CEP192: variants seen among roughly 807,000 people sequenced by gnomAD.
The protein encoded by CEP192 is centrosomal protein 192.
CEP192 carries 151 observed loss-of-function variants against 271.8 expected under a neutral mutation model. The ratio of observed to expected loss-of-function variants is 0.56; its 90% CI spans 0.49 to 0.64. CEP192 has a LOEUF of 0.64. CEP192 is among the 30% of genes least tolerant of loss of function. The pLI, the probability that CEP192 is intolerant of heterozygous loss-of-function variation, is 0.00. For synonymous variants in CEP192, 995 were observed against 1,076.5 expected, an observed-to-expected ratio of 0.92 and a Z score of 1.48; for missense variants, 2,910 against 3,020.5, an observed-to-expected ratio of 0.96 and a Z score of 0.86.
At chr18:13,085,767 A>G (rs2038868455) in intron 30 of CEP192, among the ~76,000 whole-genome samples, 1 of 152,156 alleles carries the variant, frequency 6.6e-6, no homozygotes, top group African/African-American at 2.4e-5. Context: ...CTGTTTTGGT[A>G]TCAGGACCAT....
rs200272635 is a variant in CEP192 at position 13,059,101 on chromosome 18, G to A, written c.4277G>A (p.Arg1426His). ...NGEKVDLSTY[R>H]CLVFKNKAII... ...TTGAAGGTGGATCTTTCAACATATC[G>A]TTGTTTAGTTTTCAAGAATAAAGCC... The change falls in exon 21 of 45, where the codon CGT becomes CAT. Residue 1426 changes from arginine to histidine, a missense_variant. Transcript: ENST00000506447. The A allele has an allele frequency of 2.7e-4, 434 of 1,613,234 alleles. No homozygotes were observed. Among genetic ancestry groups the A allele is most frequent in the Non-Finnish European group, 2.6e-4 (302 of 1,179,236 alleles).
chr18:13,033,316 G>A (rs1215890094), intron 11 of CEP192, among the ~76,000 whole-genome samples: 3 of 152,064 alleles, frequency 2.0e-5, no homozygotes, highest in African/African-American at 7.3e-5. Flanking sequence ...ATCGTTAAAT[G>A]TACAACAAAA....
chr18:13,068,360 A>T lies in CEP192; in HGVS notation c.4760A>T (p.Asp1587Val), dbSNP rs544277448. Residue 1587 changes from aspartate (D) to valine (V), a missense_variant and splice_region_variant, in exon 24 of 45, where the codon GAT (aspartate) becomes GTT (valine). Asp to Val is a radical substitution (Grantham distance 152). Coordinates refer to ENST00000506447, the MANE Select transcript of CEP192 (RefSeq NM_032142.4). ...HMMPASYDGQ[D>V]PEFLMIWVLF... ...CAAATTTTTCTTTTAATTTTATAGG[A>T]TCCAGAATTTCTGATGATTTGGGTT... 3 of 1,611,918 alleles carry T rather than the reference A, an allele frequency of 1.9e-6. No individual in the cohort carries two copies. Among genetic ancestry groups the T allele is most frequent in the East Asian group, 2.2e-5 (1 of 44,882 alleles).
intron 35 of CEP192, 58 bp from the exon 36 acceptor site, chr18:13,096,126 A>ATT: frequency 6.4e-7 from 1 of 1,572,704 alleles, no homozygotes; most frequent in Admixed American, 1.7e-5. Context: ...AGTTGTTAAT[A>ATT]TTTGTCTTTT....
At chr18:13,031,449 G>A (rs1449460877) in intron 11 of CEP192, among the ~76,000 whole-genome samples, 11 of 151,856 alleles carry the variant, frequency 7.2e-5, no homozygotes, top group Middle Eastern at 3.4e-3. Flanking sequence ...GGGTTTCACC[G>A]TTTTAGCCGG....
intron 42 of CEP192, 146 bp downstream of exon 42, chr18:13,114,397 G>A: frequency 2.6e-6 from 2 of 783,178 alleles, no homozygotes; most frequent in Non-Finnish European, 4.0e-6. Flanking sequence ...CGCCCAGAAA[G>A]TTCTTACGTG....
intron 5 of CEP192, among the ~76,000 whole-genome samples, chr18:13,014,327 TA>T (rs755902739): frequency 2.6e-5 from 4 of 151,968 alleles, no homozygotes; most frequent in African/African-American, 4.8e-5. Context: ...GAAATGAGAA[TA>T]GGGGAAAATA....
At chr18:13,003,551 G>C (rs2033791926) in intron 3 of CEP192, among the ~76,000 whole-genome samples, 1 of 152,032 alleles carries the variant, frequency 6.6e-6, no homozygotes, top group Non-Finnish European at 1.5e-5. Context: ...CCAAAGGTGC[G>C]GCCAGCCTGA....
chr18:13,093,166 ACAAAACAAAAAAACACTCTCCTG>A (rs1226439893), intron 34 of CEP192, among the ~76,000 whole-genome samples: 1 of 152,146 alleles, frequency 6.6e-6, no homozygotes. Context: ...CAAAAACAAA[ACAAAACAAAAAAACACTCTCCTG>A]CATAGCCATG....
In CEP192 at chr18:13,068,163, T is replaced by A. The variant is rs749012966; in HGVS notation, c.4684T>A (p.Cys1562Ser). The change falls in exon 23 of 45, where the codon TGC becomes AGC. Residue 1562 changes from cysteine to serine, a missense_variant. Cys to Ser is a moderately radical substitution (Grantham distance 112, BLOSUM62 -1). Transcript: ENST00000506447. ...SVRAPVEVAP[C>S]ADVVTRLAGP... is the part of the protein sequence containing the mutation. Reference sequence around the variant, plus strand: ...CCGAGCTCCTGTGGAAGTTGCTCCTTGCGCTGATGTGGTCACTCGGCTAGC... The same window carrying A: ...CCGAGCTCCTGTGGAAGTTGCTCCTAGCGCTGATGTGGTCACTCGGCTAGC... The A allele has an allele frequency of 6.2e-7, 1 of 1,614,254 alleles. No homozygotes were observed. Among genetic ancestry groups the A allele is most frequent in the Non-Finnish European group, 8.5e-7 (1 of 1,180,040 alleles).
rs1323102559 is a variant in CEP192, at chr18:13,048,779, C to T, written c.2068-80C>T. The stretch of plus-strand genomic sequence containing the variant: ...TCCACTTGGAGGTTTTGAAACGCAT[C>T]TCCCAATGATAATGGGGGACTAATG... On this transcript the variant is annotated intron_variant, in intron 15 of 44. Transcript: ENST00000506447. 4 of 932,740 alleles carry T rather than the reference C, an allele frequency of 4.3e-6. No homozygotes were observed. In the Admixed American group the frequency reaches 7.9e-5, roughly 18 times the overall value. The allele number at this position is 932,740 out of a possible 1,614,324, so 57.8% of individuals were successfully genotyped here.
At chr18:12,995,930 A>G (rs2033203579) in intron 1 of CEP192, among the ~76,000 whole-genome samples, 1 of 152,102 alleles carries the variant, frequency 6.6e-6, no homozygotes, top group Non-Finnish European at 1.5e-5. Flanking sequence ...GGATGACTGG[A>G]ATGGAGTGAG....
At chr18:12,993,166 G>A (rs989306661) in intron 1 of CEP192, among the ~76,000 whole-genome samples, 1 of 152,182 alleles carries the variant, frequency 6.6e-6, no homozygotes, top group African/African-American at 2.4e-5. Flanking sequence ...TGGTGAGAGA[G>A]CAGGAGGGAT....
intron 3 of CEP192, among the ~76,000 whole-genome samples, chr18:13,005,964 TTC>T (rs1486039265): frequency 3.9e-5 from 6 of 152,350 alleles, no homozygotes; most frequent in African/African-American, 1.2e-4. Context: ...GAACTATGTT[TTC>T]TCTCTGGAAA....
At chr18:13,046,677 A>G (rs1400665653) in intron 15 of CEP192, among the ~76,000 whole-genome samples, 1 of 152,000 alleles carries the variant, frequency 6.6e-6, no homozygotes, top group Admixed American at 6.5e-5. Flanking sequence ...CAAGGATCAC[A>G]AAATACTCAA....
In CEP192 at chr18:13,038,431, C is replaced by A; in HGVS notation, c.1661C>A (p.Thr554Lys). Residue 554 changes from threonine to lysine, a missense_variant, in exon 13 of 45, where the codon ACA becomes AAA. Thr to Lys is a moderately conservative substitution (Grantham distance 78). Transcript: ENST00000506447. ...CTGGGCGATACGTCCTGGGGAGCTA[C>A]AATTAATTACAGTCTGTTGAGGAAA... Reference protein sequence around the residue: ...VALGDTSWGATINYSLLRKSR... With the variant: ...VALGDTSWGAKINYSLLRKSR... The A allele has an allele frequency of 6.4e-7, 1 of 1,551,606 alleles. No individual in the cohort carries two copies. Among genetic ancestry groups the A allele is most frequent in the Non-Finnish European group, 8.7e-7 (1 of 1,146,958 alleles).
intron 27 of CEP192, 76 bp from the exon 28 acceptor site, chr18:13,070,963 C>G (rs1250691116): frequency 1.6e-6 from 2 of 1,235,016 alleles, no homozygotes; most frequent in African/African-American, 3.0e-5. Context: ...GTCTTTTGGA[C>G]AATGGAAACA....
Position 13,040,820 on chromosome 18 carries a change from T to G in CEP192, c.1810-10T>G, listed in dbSNP as rs1183544538. The G allele has an allele frequency of 6.4e-7, 1 of 1,568,244 alleles. No homozygotes were observed. Among genetic ancestry groups the G allele is most frequent in the Non-Finnish European group, 8.7e-7 (1 of 1,155,570 alleles). On this transcript the variant is annotated splice_polypyrimidine_tract_variant and intron_variant, in intron 13 of 44. Transcript: ENST00000506447. ...ATCAAAGAAATAATTTACCTTTAAT[T>G]ATTTTGTAGCCATCATTTGGCTATT...
intron 30 of CEP192, among the ~76,000 whole-genome samples, chr18:13,077,275 C>A (rs765883615): frequency 4.6e-5 from 7 of 152,166 alleles, no homozygotes; most frequent in Non-Finnish European, 7.4e-5. Flanking sequence ...AAAATTCAAA[C>A]TCCACAATGC....
Sources: allele counts gnomAD v4.1 joint callset (sites outside exome capture counted in the v4.1 genomes callset), GRCh38; gene constraint gnomAD v4.1.1; transcripts MANE v1.5; gene names NCBI Gene and HGNC (gene_info 2026-07-23, HGNC 2026-07-21).